SETD2: variants seen among roughly 807,000 people sequenced by gnomAD.
SETD2 encodes SET domain containing 2, histone lysine methyltransferase.
Under a neutral mutation model 242.1 loss-of-function variants are expected in SETD2, and 31 were observed. That is an observed-to-expected ratio of 0.13 (90% CI 0.10 to 0.17). The LOEUF is 0.17. Among genes scored for constraint, SETD2 ranks in the 10% least tolerant of loss-of-function variants. The pLI is 1.00. For synonymous variants in SETD2, 1,006 were observed against 1,066.5 expected, an observed-to-expected ratio of 0.94 and a Z score of 1.11; for missense variants, 2,481 against 3,046.3, an observed-to-expected ratio of 0.81 and a Z score of 4.37.
At chr3:47,060,049 T>C (rs1202288306) in intron 14 of SETD2, among the ~76,000 whole-genome samples, 1 of 152,170 alleles carries the variant, frequency 6.6e-6, no homozygotes, top group African/African-American at 2.4e-5. Flanking sequence ...GACCCAGGAA[T>C]TCAAGACCAG....
rs1421586594 is a variant in SETD2 at position 47,056,094 on chromosome 3, T to TTTTTATTTATTTA, written c.6963+726_6963+727insTAAATAAATAAAA. Among the ~76,000 whole-genome samples, 133 of 116,412 alleles carry TTTTTATTTATTTA rather than the reference T, an allele frequency of 1.1e-3. 1 individual carries two copies. The highest frequency in any genetic ancestry group is 4.3e-3 in the Middle Eastern group (1 of 230). 76.4% of individuals were successfully genotyped at this position (116,412 alleles called of 152,430 possible). A position where few individuals can be genotyped will look rare whatever the true frequency, so the allele number is the denominator to read the frequency against. ...AAAAAAAAAGAAAAGAAAACATGATTTTTATTTATTTATTTATTTATTTAT... is the reference window on the plus strand; with the variant it reads ...AAAAAAAAAGAAAAGAAAACATGATTTTTTATTTATTTATTTATTTATTTATTTATTTATTTAT... On this transcript the variant is annotated intron_variant, in intron 15 of 20. Coordinates refer to ENST00000409792, the MANE Select transcript of SETD2 (RefSeq NM_014159.7).
At chr3:47,069,208 T>C (rs929454753) in intron 12 of SETD2, among the ~76,000 whole-genome samples, 25 of 152,354 alleles carry the variant, frequency 1.6e-4, no homozygotes, top group African/African-American at 6.0e-4. Context: ...CCCAAGGTTA[T>C]GATGCTACCA....
At chr3:47,087,560 C>T (rs2041616872) in intron 10 of SETD2, among the ~76,000 whole-genome samples, 1 of 152,156 alleles carries the variant, frequency 6.6e-6, no homozygotes, top group African/African-American at 2.4e-5. Context: ...CAGCCCATGG[C>T]CTGGGGATTG....
intron 14 of SETD2, among the ~76,000 whole-genome samples, chr3:47,060,102 C>CA (rs1575706211): frequency 6.6e-6 from 1 of 152,220 alleles, no homozygotes; most frequent in Admixed American, 6.5e-5. Flanking sequence ...AAAAAACCAA[C>CA]AAAAAAACCG....
At chr3:47,048,194 C>A (rs951704676) in intron 15 of SETD2, among the ~76,000 whole-genome samples, 2 of 152,158 alleles carry the variant, frequency 1.3e-5, no homozygotes, top group African/African-American at 4.8e-5. Flanking sequence ...TCGAGACCAT[C>A]CTGGCTAACA....
rs2107742490 is a variant in SETD2 at position 47,120,517 on chromosome 3, G to A, written c.4119C>T (p.Ser1373=). The change falls in exon 3 of 21, where the codon AGC becomes AGT. Residue 1373 remains serine (S), a synonymous_variant. Coordinates refer to ENST00000409792, the MANE Select transcript of SETD2 (RefSeq NM_014159.7). ...CTAAAGTGTCCTTAATGGAATTGCTGCTTATTTCAGGTGCTTGCACTGACC... is the reference window on the plus strand; with the variant it reads ...CTAAAGTGTCCTTAATGGAATTGCTACTTATTTCAGGTGCTTGCACTGACC... ...DKGSVQAPEI[S]SNSIKDTLAV... The A allele has an allele frequency of 6.2e-7, 1 of 1,613,870 alleles. No individual in the cohort carries two copies. The highest frequency in any genetic ancestry group is 2.2e-5 in the East Asian group (1 of 44,890).
rs1306754579 is a variant in SETD2, at chr3:47,042,461, C to T, written c.7238+100G>A. The stretch of plus-strand genomic sequence containing the variant: ...AGCAGCCTTCAAGCACAGTGAAAAG[C>T]TAATGACAAGAAGTTTACAACTGTA... On this transcript the variant is annotated intron_variant, in intron 17 of 20. Coordinates refer to ENST00000409792, the MANE Select transcript of SETD2 (RefSeq NM_014159.7). The T allele has an allele frequency of 4.3e-6, 5 of 1,154,938 alleles. No homozygotes were observed. The East Asian group carries it at 9.5e-5, about 22-fold the overall frequency. The allele number at this position is 1,154,938 out of a possible 1,614,324, so 71.5% of individuals were successfully genotyped here. A position where few individuals can be genotyped will look rare whatever the true frequency, so the allele number is the denominator to read the frequency against.
At chr3:47,059,091 G>A (rs2040216521) in intron 14 of SETD2, among the ~76,000 whole-genome samples, 1 of 146,848 alleles carries the variant, frequency 6.8e-6, no homozygotes, top group Admixed American at 6.9e-5. Context: ...TTACAGGTGT[G>A]AGCCACCACG....
intron 12 of SETD2, chr3:47,080,821 G>A: frequency 1.0e-6 from 1 of 986,546 alleles, no homozygotes; most frequent in Non-Finnish European, 1.2e-6. Flanking sequence ...CTCGCCAGGA[G>A]TAGGGATTTT....
intron 9 of SETD2, among the ~76,000 whole-genome samples, chr3:47,095,102 G>A (rs944392374): frequency 3.3e-5 from 5 of 152,094 alleles, no homozygotes; most frequent in Admixed American, 3.3e-4. Flanking sequence ...TATTCTGTAA[G>A]TTTTGAAAAT....
In SETD2 at chr3:47,123,231, A is replaced by G. The variant is rs2106698677; in HGVS notation, c.1405T>C (p.Tyr469His). 6.4e-7 allele frequency: 1 copy of G among 1,559,058 alleles called. No individual in the cohort carries two copies. The highest frequency in any genetic ancestry group is 1.2e-5 in the South Asian group (1 of 85,778). ...GAATGAGATGAGGTACGCCTTGAGT[A>G]TGTCTTCTTATACTCTTCTTCTGAG... ...SDSEEEYKKT[Y>H]SRRTSSHSSS... The change falls in exon 3 of 21, where the codon TAC (tyrosine) becomes CAC (histidine). Residue 469 changes from tyrosine (Y) to histidine (H), a missense_variant. Coordinates refer to ENST00000409792, the MANE Select transcript of SETD2 (RefSeq NM_014159.7).
intron 18 of SETD2, among the ~76,000 whole-genome samples, chr3:47,034,352 T>G (rs979874184): frequency 6.6e-6 from 1 of 152,222 alleles, no homozygotes; most frequent in African/African-American, 2.4e-5. Flanking sequence ...TTTTTATACA[T>G]GTACCTCCCC....
chr3:47,024,267 T>C (rs955710026), intron 18 of SETD2, among the ~76,000 whole-genome samples: 1 of 151,046 alleles, frequency 6.6e-6, no homozygotes, highest in Non-Finnish European at 1.5e-5. Context: ...GGTCAGGAGA[T>C]CGAGACCAGC....
intron 18 of SETD2, among the ~76,000 whole-genome samples, chr3:47,025,707 C>T (rs949607379): frequency 6.6e-6 from 1 of 152,182 alleles, no homozygotes; most frequent in African/African-American, 2.4e-5. Flanking sequence ...TCCTGGTTAC[C>T]TATAGGTGAA....
intron 12 of SETD2, among the ~76,000 whole-genome samples, chr3:47,082,526 A>G (rs1045100698): frequency 3.3e-5 from 5 of 152,212 alleles, no homozygotes; most frequent in African/African-American, 1.2e-4. Context: ...ATTAACTGCA[A>G]TTCTGATTCC....
At chr3:47,111,256 G>A (rs968910149) in intron 5 of SETD2, among the ~76,000 whole-genome samples, 2 of 152,046 alleles carry the variant, frequency 1.3e-5, no homozygotes, top group Non-Finnish European at 2.9e-5. Flanking sequence ...CAAAGGAAGT[G>A]TAACCAATTA....
intron 18 of SETD2, among the ~76,000 whole-genome samples, chr3:47,021,009 G>A (rs1015573903): frequency 6.6e-6 from 1 of 152,144 alleles, no homozygotes; most frequent in Non-Finnish European, 1.5e-5. Flanking sequence ...AGATTAGGGG[G>A]TAGAGTAAAA....
chr3:47,106,493 TAAAAAAAAAAAAAAAAAAA>T (rs766455577), intron 5 of SETD2, among the ~76,000 whole-genome samples: 8 of 57,260 alleles, frequency 1.4e-4, no homozygotes, highest in East Asian at 4.9e-4. Context: ...ATTTTTGCTC[TAAAAAAAAAAAAAAAAAAA>T]AAAAAAAAAA....
chr3:47,083,690 A>G, intron 12 of SETD2, 30 bp downstream of exon 12: 1 of 1,564,002 alleles, frequency 6.4e-7, no homozygotes, highest in South Asian at 1.2e-5. Context: ...GAGTAATTCA[A>G]GTTGAAATGA....
Sources: allele counts gnomAD v4.1 joint callset (sites outside exome capture counted in the v4.1 genomes callset), GRCh38; gene constraint gnomAD v4.1.1; transcripts MANE v1.5; gene names NCBI Gene and HGNC (gene_info 2026-07-23, HGNC 2026-07-21).